The following AGBL1 variants were observed in gnomAD, a reference collection of about 807,000 sequenced individuals.
AGBL1 encodes AGBL carboxypeptidase 1, also known as cytosolic carboxypeptidase 4.
A neutral mutation model predicts 118.9 loss-of-function variants in AGBL1; 130 were observed. That is an observed-to-expected ratio of 1.09 (90% CI 0.95 to 1.26). The LOEUF is 1.26. AGBL1 is among the 50% of genes most tolerant of loss of function. The probability of loss-of-function intolerance (pLI) is 0.00; values close to 1 mark genes in which losing one functional copy is unlikely to be tolerated. For synonymous variants in AGBL1, 555 were observed against 478.9 expected (o/e 1.16, Z -2.08); for missense variants, 1,584 against 1,298.1 (o/e 1.22, Z -3.38).
chr15:86,714,412 A>C lies in AGBL1; in HGVS notation c.3158+39976A>C, dbSNP rs2086606785. 3.3e-5 allele frequency among the ~76,000 whole-genome samples: 5 copies of C among 152,352 alleles called. No individual in the cohort carries two copies. The South Asian group carries it at 1.0e-3, about 32-fold the overall frequency. On this transcript the variant is annotated intron_variant, in intron 22 of 22. Transcript: ENST00000614907. ...TCATAAGATAAACTATCAGTGGGAA[A>C]TTAGCCTGGAAGCAAGGAATTGAAG...
At chr15:86,213,197 TTTA>T (rs1276777906) in intron 5 of AGBL1, among the ~76,000 whole-genome samples, 1 of 152,216 alleles carries the variant, frequency 6.6e-6, no homozygotes, top group East Asian at 1.9e-4. Context: ...CTTAGTTTTA[TTTA>T]GGAAAGAAGA....
At chr15:86,313,246 G>T (rs1297685504) in intron 17 of AGBL1, among the ~76,000 whole-genome samples, 1 of 152,138 alleles carries the variant, frequency 6.6e-6, no homozygotes, top group Non-Finnish European at 1.5e-5. Context: ...ATGGAGGGTT[G>T]TAAGTGACTA....
intron 22 of AGBL1, among the ~76,000 whole-genome samples, chr15:86,789,934 A>G (rs1017465094): frequency 1.3e-5 from 2 of 152,134 alleles, no homozygotes; most frequent in Non-Finnish European, 2.9e-5. Flanking sequence ...GGAGACTAGG[A>G]AACTCCACCG....
intron 22 of AGBL1, among the ~76,000 whole-genome samples, chr15:86,850,236 C>A (rs1457099123): frequency 4.0e-4 from 2 of 4,974 alleles, no homozygotes; most frequent in Admixed American, 2.6e-3. Flanking sequence ...CAAGATGTCA[C>A]ATTCTTGCTG....
intron 22 of AGBL1, among the ~76,000 whole-genome samples, chr15:86,737,942 A>C (rs765698811): frequency 6.6e-6 from 1 of 151,988 alleles, no homozygotes; most frequent in Non-Finnish European, 1.5e-5. Context: ...AAGTTAATAC[A>C]ACATAATCAA....
At chr15:86,788,749 G>C (rs953520164) in intron 22 of AGBL1, among the ~76,000 whole-genome samples, 6 of 152,132 alleles carry the variant, frequency 3.9e-5, no homozygotes, top group African/African-American at 1.4e-4. Flanking sequence ...AAGTGTTGAG[G>C]AATGGATCTG....
At chr15:86,263,529 C>T (rs1209556878) in intron 10 of AGBL1, among the ~76,000 whole-genome samples, 1 of 152,234 alleles carries the variant, frequency 6.6e-6, no homozygotes, top group Non-Finnish European at 1.5e-5. Context: ...TGCCCCCATG[C>T]ACTGAAAAAG....
intron 24 of AGBL1, among the ~76,000 whole-genome samples, chr15:87,023,433 C>G (rs560560058): frequency 5.3e-5 from 8 of 152,042 alleles, no homozygotes; most frequent in Non-Finnish European, 1.2e-4. Context: ...GAAAATATCT[C>G]AATCCTGAAT....
rs777198172 is a variant in AGBL1 at position 86,220,686 on chromosome 15, A to G, written c.489-4228A>G. On this transcript the variant is annotated intron_variant, in intron 5 of 22. Transcript: ENST00000614907. ...AAATAGATAGGATGTGGGCGGTTCC[A>G]CTTTGCCTTTGGCTGTTATAACTCT... Among the ~76,000 whole-genome samples, 79 of 152,298 alleles carry G rather than the reference A, an allele frequency of 5.2e-4. 1 individual carries two copies. Among genetic ancestry groups the G allele is most frequent in the Non-Finnish European group, 2.9e-4 (20 of 68,018 alleles).
At chr15:86,808,173 T>C (rs1198474220) in intron 22 of AGBL1, among the ~76,000 whole-genome samples, 1 of 152,176 alleles carries the variant, frequency 6.6e-6, no homozygotes, top group Non-Finnish European at 1.5e-5. Flanking sequence ...GAATGACCTT[T>C]CTGAGAAATA....
At chr15:86,440,568 C>T (rs1316372846) in intron 18 of AGBL1, among the ~76,000 whole-genome samples, 2 of 151,842 alleles carry the variant, frequency 1.3e-5, no homozygotes, top group African/African-American at 4.8e-5. Context: ...CATTTCATAG[C>T]CACAATCTCA....
intron 5 of AGBL1, among the ~76,000 whole-genome samples, chr15:86,196,491 G>T (rs2077804657): frequency 2.6e-5 from 4 of 152,160 alleles, no homozygotes; most frequent in Admixed American, 2.6e-4. Flanking sequence ...ACAGAATTGG[G>T]TATTAGCCTT....
At chr15:86,575,353 A>G (rs1053351172) in intron 21 of AGBL1, among the ~76,000 whole-genome samples, 13 of 150,928 alleles carry the variant, frequency 8.6e-5, no homozygotes, top group African/African-American at 3.2e-4. Context: ...TCAAAAAATT[A>G]GCTAGGTGTG....
chr15:86,143,623 T>C (rs1171013941), intron 2 of AGBL1, 76 bp from the exon 3 acceptor site: 2 of 1,533,310 alleles, frequency 1.3e-6, no homozygotes, highest in Non-Finnish European at 8.8e-7. Flanking sequence ...TGTCTCTAGT[T>C]GGGAGGTCTG....
chr15:86,460,888 C>T (rs923938072), intron 18 of AGBL1, among the ~76,000 whole-genome samples: 20 of 152,282 alleles, frequency 1.3e-4, no homozygotes, highest in Admixed American at 3.9e-4. Context: ...GGGTCACAAC[C>T]GCTTGCCATT....
intron 21 of AGBL1, among the ~76,000 whole-genome samples, chr15:86,597,108 T>C (rs2084419870): frequency 6.7e-6 from 1 of 149,610 alleles, no homozygotes. Context: ...ATTGATCTAT[T>C]GATCTGTCTA....
At chr15:86,461,670 A>G (rs1486508741) in intron 18 of AGBL1, among the ~76,000 whole-genome samples, 1 of 152,166 alleles carries the variant, frequency 6.6e-6, no homozygotes, top group Non-Finnish European at 1.5e-5. Context: ...ATTTGGGTGT[A>G]TATAAAACCC....
chr15:86,696,751 G>T (rs566430550), intron 22 of AGBL1, among the ~76,000 whole-genome samples: 1 of 151,924 alleles, frequency 6.6e-6, no homozygotes, highest in South Asian at 2.1e-4. Flanking sequence ...TTTGTTAAGA[G>T]ATTTGGAGCT....
intron 7 of AGBL1, among the ~76,000 whole-genome samples, chr15:86,256,382 A>T (rs1496886): frequency 0.62 from 94,291 of 151,806 alleles, 29,695 homozygotes; most frequent in Middle Eastern, 0.7. Context: ...TATCTTTTTT[A>T]AAAAATATTT....
Sources: gnomAD v4.1 joint callset for allele counts (sites outside exome capture counted in the v4.1 genomes callset) on GRCh38, gnomAD v4.1.1 for gene constraint, MANE v1.5 for transcripts, NCBI Gene and HGNC (gene_info 2026-07-23, HGNC 2026-07-21) for gene names.